Variants in ESR1 observed in about 807,000 individuals in gnomAD.
The protein encoded by ESR1 is estrogen receptor.
In ESR1, 12 loss-of-function variants were observed where a neutral mutation model predicts 52.7. The observed-to-expected ratio is 0.23, with a 90% CI of 0.15 to 0.37. The LOEUF (loss-of-function observed/expected upper bound fraction) is 0.37. ESR1 is among the 10% of genes least tolerant of loss of function. The probability of loss-of-function intolerance (pLI) is 1.00; values close to 1 mark genes in which losing one functional copy is unlikely to be tolerated. For missense variants in ESR1, 584 were observed against 779.7 expected (o/e 0.75, Z 2.99); for synonymous variants, 305 against 316.8 (o/e 0.96, Z 0.39).
At chr6:151,759,622 C>T (rs1784526047) in intron 2 of ESR1, among the ~76,000 whole-genome samples, 1 of 152,180 alleles carries the variant, frequency 6.6e-6, no homozygotes, top group South Asian at 2.1e-4. Context: ...TTAGCCTTCC[C>T]CAGCATGCCC....
intron 1 of ESR1, among the ~76,000 whole-genome samples, chr6:151,840,095 A>G (rs1298427920): frequency 2.0e-5 from 3 of 152,210 alleles, no homozygotes; most frequent in East Asian, 3.8e-4. Context: ...ACAAACATGT[A>G]TTGAATGCTT....
chr6:151,743,756 C>T (rs889606878), intron 2 of ESR1, among the ~76,000 whole-genome samples: 1 of 152,182 alleles, frequency 6.6e-6, no homozygotes, highest in Non-Finnish European at 1.5e-5. Flanking sequence ...AACAAACAAA[C>T]AGATTTGATA....
chr6:151,658,622 A>C (rs1474014249), intron 1 of ESR1, among the ~76,000 whole-genome samples: 1 of 152,100 alleles, frequency 6.6e-6, no homozygotes, highest in Non-Finnish European at 1.5e-5. Context: ...TTATTTGTTT[A>C]TTTTTATTTT....
chr6:151,979,335 T>A (rs1460463633), intron 4 of ESR1, among the ~76,000 whole-genome samples: 1 of 152,188 alleles, frequency 6.6e-6, no homozygotes, highest in Non-Finnish European at 1.5e-5. Context: ...AGAACAAGGT[T>A]ACTTATTTTT....
chr6:152,114,024 T>C (rs1199860361), intron 6 of ESR1, among the ~76,000 whole-genome samples: 2 of 152,194 alleles, frequency 1.3e-5, no homozygotes, highest in East Asian at 3.9e-4. Flanking sequence ...CATTAGCTAC[T>C]CTATCAGTTT....
chr6:152,096,077 GCTGGGTT>G (rs2152499945), intron 7 of ESR1, among the ~76,000 whole-genome samples: 1 of 152,338 alleles, frequency 6.6e-6, no homozygotes, highest in African/African-American at 2.4e-5. Context: ...TGGGGAGACT[GCTGGGTT>G]ATTTATTGCA....
chr6:151,777,784 A>C (rs1345158262), intron 2 of ESR1, among the ~76,000 whole-genome samples: 1 of 152,050 alleles, frequency 6.6e-6, no homozygotes, highest in Non-Finnish European at 1.5e-5. Context: ...ACATGGGGAA[A>C]TCCCAACCCT....
intron 2 of ESR1, among the ~76,000 whole-genome samples, chr6:151,720,030 A>T (rs1319985732): frequency 6.6e-6 from 1 of 152,258 alleles, no homozygotes; most frequent in African/African-American, 2.4e-5. Flanking sequence ...AAAACTTAGT[A>T]GTTGATAATA....
chr6:151,985,795 G>A (rs1387244891), intron 4 of ESR1, among the ~76,000 whole-genome samples: 2 of 151,928 alleles, frequency 1.3e-5, no homozygotes, highest in Non-Finnish European at 1.5e-5. Flanking sequence ...GGCCTCCCTA[G>A]TAACTGGATT....
At chr6:151,675,604 G>C (rs572798189) in intron 1 of ESR1, among the ~76,000 whole-genome samples, 5 of 152,196 alleles carry the variant, frequency 3.3e-5, no homozygotes, top group Admixed American at 2.6e-4. Context: ...CACTTACATA[G>C]TGTGTTCTAG....
At chr6:151,699,021 G>A (rs1180700588) in intron 1 of ESR1, among the ~76,000 whole-genome samples, 2 of 152,194 alleles carry the variant, frequency 1.3e-5, no homozygotes, top group African/African-American at 2.4e-5. Flanking sequence ...AAGGTCTCCT[G>A]CTTACTACAG....
rs35630684 is a variant in ESR1 at position 151,944,523 on chromosome 6, C to A, written c.1096+15C>A. The A allele has an allele frequency of 6.2e-7, 1 of 1,611,314 alleles. No individual in the cohort carries two copies. Among genetic ancestry groups the A allele is most frequent in the South Asian group, 1.1e-5 (1 of 91,042 alleles). Reference sequence around the variant, plus strand: ...GAGGGTGCCAGGTAAGAATGCGAAGCGCAGCTTTTAAGAGTCAATAGCTTT... The same window carrying A: ...GAGGGTGCCAGGTAAGAATGCGAAGAGCAGCTTTTAAGAGTCAATAGCTTT... On this transcript the variant is annotated intron_variant, in intron 4 of 7. Coordinates refer to ENST00000206249, the MANE Select transcript of ESR1 (RefSeq NM_000125.4).
At chr6:151,837,698 C>T (rs1213629093) in intron 1 of ESR1, among the ~76,000 whole-genome samples, 2 of 152,168 alleles carry the variant, frequency 1.3e-5, no homozygotes, top group African/African-American at 4.8e-5. Context: ...GGTTGAAGGA[C>T]ATCTAATGTC....
intron 6 of ESR1, among the ~76,000 whole-genome samples, chr6:152,111,777 G>C (rs541858187): frequency 2.6e-5 from 4 of 152,252 alleles, no homozygotes; most frequent in African/African-American, 9.6e-5. Context: ...CGTGGTCTCA[G>C]TGCCTTGAGG....
chr6:151,828,498 A>C (rs1046598310), intron 1 of ESR1, among the ~76,000 whole-genome samples: 1 of 152,230 alleles, frequency 6.6e-6, no homozygotes, highest in African/African-American at 2.4e-5. Flanking sequence ...GAGCCAAGGC[A>C]TAAGGATAAG....
chr6:152,028,100 C>T (rs753824995), intron 5 of ESR1, among the ~76,000 whole-genome samples: 23 of 152,120 alleles, frequency 1.5e-4, no homozygotes, highest in Admixed American at 3.9e-4. Flanking sequence ...GCCAAGATCA[C>T]GCCATTGCAC....
At chr6:151,944,887 A>C (rs2035520996) in intron 4 of ESR1, among the ~76,000 whole-genome samples, 1 of 152,186 alleles carries the variant, frequency 6.6e-6, no homozygotes, top group Non-Finnish European at 1.5e-5. Context: ...TTTGTTGAAA[A>C]CATCTCAATT....
chr6:151,864,170 G>A (rs1346023428), intron 2 of ESR1, among the ~76,000 whole-genome samples: 1 of 152,136 alleles, frequency 6.6e-6, no homozygotes, highest in Non-Finnish European at 1.5e-5. Context: ...CAGAATGGGA[G>A]AAAATTTTTG....
upstream of ESR1, among the ~76,000 whole-genome samples, chr6:151,800,230 G>C (rs1057000144): frequency 3.2e-4 from 49 of 152,074 alleles, no homozygotes; most frequent in African/African-American, 1.2e-3. Context: ...ATGCAGAGGA[G>C]GGAAGAGGGT....
Sources: gnomAD v4.1 joint callset for allele counts (sites outside exome capture counted in the v4.1 genomes callset) on GRCh38, gnomAD v4.1.1 for gene constraint, MANE v1.5 for transcripts, NCBI Gene and HGNC (gene_info 2026-07-23, HGNC 2026-07-21) for gene names.